Variants in LRRC37A2 observed in about 807,000 individuals in gnomAD.
LRRC37A2 encodes the protein leucine-rich repeat-containing protein 37A2.
In LRRC37A2, 9 loss-of-function variants were observed where a neutral mutation model predicts 68.8. The observed-to-expected ratio is 0.13, with a 90% CI of 0.08 to 0.23. The LOEUF (loss-of-function observed/expected upper bound fraction) is 0.23. Among genes scored for constraint, LRRC37A2 ranks in the 10% least tolerant of loss-of-function variants. The pLI is 1.00. For missense variants in LRRC37A2, 168 were observed against 950.4 expected (o/e 0.18, Z 10.82); for synonymous variants, 63 against 367.6 (o/e 0.17, Z 9.48).
chr17:46,808,558 A>T, the LRRC37A2 span, among the ~76,000 whole-genome samples: 13 of 152,246 alleles, frequency 8.5e-5, no homozygotes, highest in African/African-American at 3.1e-4. Context: ...CCCAGGCTGC[A>T]CTGTGGGACT....
the LRRC37A2 span, among the ~76,000 whole-genome samples, chr17:46,864,279 C>G: frequency 6.6e-6 from 1 of 152,214 alleles, no homozygotes; most frequent in Non-Finnish European, 1.5e-5. Context: ...AGTGCGGTTT[C>G]AGCCATGATT....
At chr17:46,834,221 C>CT in the LRRC37A2 span, among the ~76,000 whole-genome samples, 1 of 152,092 alleles carries the variant, frequency 6.6e-6, no homozygotes, top group Admixed American at 6.6e-5. Context: ...AAATGTCTTA[C>CT]TTCCAGAGGG....
chr17:46,916,115 C>A, the LRRC37A2 span, among the ~76,000 whole-genome samples: 16 of 152,356 alleles, frequency 1.1e-4, no homozygotes, highest in African/African-American at 3.6e-4. Context: ...GTTCACCCCT[C>A]TCCAAGGCTT....
chr17:46,419,045 T>C, the LRRC37A2 span, among the ~76,000 whole-genome samples: 1 of 91,152 alleles, frequency 1.1e-5, no homozygotes, highest in African/African-American at 3.8e-5. Context: ...TTTTTTGCCT[T>C]GCGTCCTACT....
the LRRC37A2 span, among the ~76,000 whole-genome samples, chr17:46,771,068 C>T: frequency 6.6e-6 from 1 of 152,222 alleles, no homozygotes; most frequent in Non-Finnish European, 1.5e-5. Context: ...CCCTCCTGGG[C>T]TGTGGGCCGA....
At chr17:46,873,248 A>G in the LRRC37A2 span, among the ~76,000 whole-genome samples, 5 of 151,940 alleles carry the variant, frequency 3.3e-5, no homozygotes, top group African/African-American at 1.2e-4. Context: ...TGTCACATCC[A>G]TCGATCCATC....
chr17:47,047,786 T>C, the LRRC37A2 span, among the ~76,000 whole-genome samples: 1 of 151,808 alleles, frequency 6.6e-6, no homozygotes, highest in Non-Finnish European at 1.5e-5. Flanking sequence ...GCTCTTCTAA[T>C]AGAATGGAGG....
At chr17:46,728,773 C>CAAAAAAA in the LRRC37A2 span, 1 of 720,956 alleles carries the variant, frequency 1.4e-6, no homozygotes, top group Non-Finnish European at 2.1e-6. Context: ...ACTTTTGATG[C>CAAAAAAA]AAAAAAAAAA....
chr17:46,923,664 C>A, the LRRC37A2 span: 1 of 994,816 alleles, frequency 1.0e-6, no homozygotes, highest in Non-Finnish European at 1.3e-6. Context: ...TATTCTTATT[C>A]GATTTATACT....
the LRRC37A2 span, among the ~76,000 whole-genome samples, chr17:46,804,799 A>C: frequency 6.6e-6 from 1 of 152,206 alleles, no homozygotes; most frequent in Non-Finnish European, 1.5e-5. Flanking sequence ...GAATGCACCA[A>C]TCAGTGCTCT....
the LRRC37A2 span, among the ~76,000 whole-genome samples, chr17:46,906,856 A>G: frequency 7.9e-5 from 12 of 152,108 alleles, no homozygotes; most frequent in African/African-American, 2.9e-4. Flanking sequence ...GAGGCACAAA[A>G]ATAAAAGCAT....
At chr17:46,960,526 CTT>C in the LRRC37A2 span, among the ~76,000 whole-genome samples, 1,262 of 152,294 alleles carry the variant, frequency 8.3e-3, 8 homozygotes, top group Middle Eastern at 0.034. Flanking sequence ...GAAAGGAAAA[CTT>C]TTGTTCACAC....
At chr17:46,877,640 G>T in the LRRC37A2 span, among the ~76,000 whole-genome samples, 1 of 152,320 alleles carries the variant, frequency 6.6e-6, no homozygotes, top group South Asian at 2.1e-4. Context: ...GTGACGTGGC[G>T]AGCTCAGTTT....
the LRRC37A2 span, among the ~76,000 whole-genome samples, chr17:46,796,708 C>G: frequency 2.0e-5 from 3 of 152,300 alleles, no homozygotes; most frequent in South Asian, 6.2e-4. Flanking sequence ...GCCCGGGTGT[C>G]CCCTGGTGCA....
chr17:46,410,420 TAAAAAAGA>T, the LRRC37A2 span, among the ~76,000 whole-genome samples: 3 of 32,216 alleles, frequency 9.3e-5, no homozygotes, highest in Non-Finnish European at 1.8e-4. Context: ...AGACCCTGTT[TAAAAAAGA>T]AAAAAACAAA....
chr17:46,765,927 T>G, the LRRC37A2 span, among the ~76,000 whole-genome samples: 1 of 152,212 alleles, frequency 6.6e-6, no homozygotes, highest in Non-Finnish European at 1.5e-5. Flanking sequence ...AAGGGCACCA[T>G]GTTGGGAGAG....
the LRRC37A2 span, among the ~76,000 whole-genome samples, chr17:46,890,705 G>A: frequency 1.3e-5 from 2 of 152,184 alleles, no homozygotes; most frequent in Admixed American, 6.5e-5. Context: ...CTTGGACCTT[G>A]TCACAAGCCT....
At chr17:46,905,782 G>T in the LRRC37A2 span, among the ~76,000 whole-genome samples, 3 of 88,034 alleles carry the variant, frequency 3.4e-5, no homozygotes, top group East Asian at 5.0e-4. Context: ...CTGTGTGTTT[G>T]TGTGTGTGTG....
At chr17:46,751,011 AT>A in the LRRC37A2 span, among the ~76,000 whole-genome samples, 1 of 152,180 alleles carries the variant, frequency 6.6e-6, no homozygotes, top group Non-Finnish European at 1.5e-5. Context: ...ATTGGAAAAT[AT>A]TATCTACTGA....
Sources: gnomAD v4.1 joint callset for allele counts (sites outside exome capture counted in the v4.1 genomes callset) on GRCh38, gnomAD v4.1.1 for gene constraint, MANE v1.5 for transcripts, NCBI Gene and HGNC (gene_info 2026-07-23, HGNC 2026-07-21) for gene names.